NHSL1: variants seen among roughly 807,000 people sequenced by gnomAD.
NHSL1 encodes NHS like 1, also known as NHS-like protein 1.
Under a neutral mutation model 95.0 loss-of-function variants are expected in NHSL1, and 48 were observed. The ratio of observed to expected loss-of-function variants is 0.51; its 90% CI spans 0.40 to 0.64. The LOEUF (loss-of-function observed/expected upper bound fraction) is 0.64. Ranked by LOEUF, NHSL1 falls within the 30% of genes least tolerant of loss-of-function variation. NHSL1 has a pLI of 0.00. For missense variants in NHSL1, 1,971 were observed against 2,077.7 expected (o/e 0.95, Z 1.00); for synonymous variants, 783 against 833.9 (o/e 0.94, Z 1.05).
chr6:138,647,034 G>A (rs1315902133), intron 1 of NHSL1, among the ~76,000 whole-genome samples: 3 of 152,166 alleles, frequency 2.0e-5, no homozygotes, highest in African/African-American at 2.4e-5. Context: ...GTGATGGAGA[G>A]TAAAATCTTG....
At chr6:138,556,727 C>T (rs1428288194) in intron 1 of NHSL1, among the ~76,000 whole-genome samples, 1 of 151,826 alleles carries the variant, frequency 6.6e-6, no homozygotes, top group Non-Finnish European at 1.5e-5. Context: ...CATTCCCATT[C>T]GCATTAATGA....
In NHSL1 at chr6:138,424,883, C is replaced by T. The variant is rs928814648; in HGVS notation, c.4086-67G>A. On this transcript the variant is annotated intron_variant, in intron 7 of 7. Transcript: ENST00000343505. This position sits in a 1 kb window ranked among gnomAD's most constrained non-coding sequence, Gnocchi z 5.9. The stretch of plus-strand genomic sequence containing the variant: ...GACCACAGGCTGTCAGCCACAACCA[C>T]TCTGCTCTTATCGCATCTTCAGGTC... 7.6e-7 allele frequency: 1 copy of T among 1,310,560 alleles called. No homozygotes were observed. Among genetic ancestry groups the T allele is most frequent in the Non-Finnish European group, 1.0e-6 (1 of 957,814 alleles). The allele number at this position is 1,310,560 out of a possible 1,614,324, so 81.2% of individuals were successfully genotyped here.
At chr6:138,428,583 G>T (rs1415424102) in intron 7 of NHSL1, among the ~76,000 whole-genome samples, 6 of 152,194 alleles carry the variant, frequency 3.9e-5, no homozygotes, top group African/African-American at 1.4e-4. Flanking sequence ...TTCTTGACAA[G>T]AACATTAATT....
intron 1 of NHSL1, among the ~76,000 whole-genome samples, chr6:138,580,551 A>G (rs1429529703): frequency 6.6e-6 from 1 of 152,204 alleles, no homozygotes; most frequent in African/African-American, 2.4e-5. Flanking sequence ...GCCAGTTTCC[A>G]TGATATAAAG....
upstream of NHSL1, among the ~76,000 whole-genome samples, chr6:138,576,649 A>G (rs1783976810): frequency 6.6e-6 from 1 of 152,204 alleles, no homozygotes; most frequent in African/African-American, 2.4e-5. Flanking sequence ...GGGCTCACGG[A>G]ATAAAAGGCA....
intron 1 of NHSL1, among the ~76,000 whole-genome samples, chr6:138,680,685 T>C (rs533344659): frequency 5.3e-4 from 81 of 152,284 alleles, no homozygotes; most frequent in Middle Eastern, 3.4e-3. Flanking sequence ...GGTGTGATCT[T>C]AGCTCACTGC....
chr6:138,499,427 C>A lies in NHSL1; in HGVS notation c.-137G>T. ...CGGTCTCATATCCTTAGACATCTGC[C>A]CAGGCTGATGTAACTGAGGTTGAGT... On this transcript the variant is annotated 5_prime_UTR_variant, in exon 1 of 8. Coordinates refer to ENST00000343505, the MANE Select transcript of NHSL1 (RefSeq NM_001144060.2). 1.4e-6 allele frequency: 2 copies of A among 1,441,618 alleles called. No homozygotes were observed. The highest frequency in any genetic ancestry group is 1.8e-6 in the Non-Finnish European group (2 of 1,091,404). 89.3% of individuals were successfully genotyped at this position (1,441,618 alleles called of 1,614,324 possible). A position where few individuals can be genotyped will look rare whatever the true frequency, so the allele number is the denominator to read the frequency against.
intron 1 of NHSL1, among the ~76,000 whole-genome samples, chr6:138,535,511 C>A (rs1583373199): frequency 6.6e-6 from 1 of 152,078 alleles, no homozygotes; most frequent in Non-Finnish European, 1.5e-5. Flanking sequence ...CTGCAGTGAG[C>A]CATAATTGCA....
chr6:138,664,875 C>T (rs1178877609), intron 1 of NHSL1, among the ~76,000 whole-genome samples: 3 of 152,180 alleles, frequency 2.0e-5, no homozygotes, highest in Non-Finnish European at 2.9e-5. Flanking sequence ...AGAATTTCTC[C>T]CTGGGGTCAG....
At chr6:138,481,742 T>C (rs1779427358) in intron 2 of NHSL1, among the ~76,000 whole-genome samples, 2 of 152,234 alleles carry the variant, frequency 1.3e-5, no homozygotes, top group African/African-American at 4.8e-5. Context: ...GAGCAAGAGC[T>C]GTTTTATGTA....
At chr6:138,483,841 G>A (rs1779566114) in intron 2 of NHSL1, among the ~76,000 whole-genome samples, 1 of 152,158 alleles carries the variant, frequency 6.6e-6, no homozygotes. Flanking sequence ...TTAAATGAAT[G>A]AATGATCTGT....
At chr6:138,654,004 T>C (rs1785125220) in intron 1 of NHSL1, among the ~76,000 whole-genome samples, 2 of 152,316 alleles carry the variant, frequency 1.3e-5, no homozygotes, top group African/African-American at 2.4e-5. Context: ...TAGTTCTTCA[T>C]AAAATTTACT....
In NHSL1 at chr6:138,433,491, T is replaced by C; in HGVS notation, c.854A>G (p.Gln285Arg). Residue 285 changes from glutamine (Q) to arginine (R), a missense_variant, in exon 6 of 8, where the codon CAA (glutamine) becomes CGA (arginine). By Grantham distance (43) the Gln-to-Arg change is conservative. Transcript: ENST00000343505. ...GTGGCCCATCTGGGCAGCAATGCCT[T>C]GCCCCTTCTGTGCCCTGATTCTCCT... The part of the protein sequence containing the change: ...SMRRIRAQKG[Q>R]GIAAQMGHFS... 1 of 1,552,148 alleles carries C rather than the reference T, an allele frequency of 6.4e-7. No individual in the cohort carries two copies. The highest frequency in any genetic ancestry group is 8.7e-7 in the Non-Finnish European group (1 of 1,147,114).
At chr6:138,491,922 A>G (rs1415591745) in intron 2 of NHSL1, among the ~76,000 whole-genome samples, 2 of 152,116 alleles carry the variant, frequency 1.3e-5, no homozygotes, top group Non-Finnish European at 2.9e-5. Context: ...TGGATTTTGG[A>G]GCATTTCAGA....
intron 1 of NHSL1, among the ~76,000 whole-genome samples, chr6:138,531,118 G>A (rs79803843): frequency 0.025 from 3,856 of 152,220 alleles, 107 homozygotes; most frequent in East Asian, 0.11. Context: ...CCAGCCTACA[G>A]AACTGTGAGA....
intron 1 of NHSL1, among the ~76,000 whole-genome samples, chr6:138,585,248 C>G (rs577202963): frequency 6.6e-6 from 1 of 152,272 alleles, no homozygotes; most frequent in East Asian, 1.9e-4. Flanking sequence ...GATTGAGAGT[C>G]AGATTCCCAT....
At chr6:138,545,781 C>T, upstream of NHSL1, 2 of 1,206,094 alleles carry the variant, frequency 1.7e-6, no homozygotes, top group South Asian at 3.0e-5. Context: ...TCCAGGAAGC[C>T]ACTGCCCAAT....
intron 1 of NHSL1, among the ~76,000 whole-genome samples, chr6:138,511,484 C>T (rs1466234118): frequency 6.6e-6 from 1 of 151,660 alleles, no homozygotes; most frequent in African/African-American, 2.4e-5. Context: ...ATGGGGTCTC[C>T]CAATGTTGCC....
chr6:138,491,744 A>G lies in NHSL1; in HGVS notation c.211+4475T>C, dbSNP rs77498545. The stretch of plus-strand genomic sequence containing the variant: ...CATTTTTAAATCTGGGTAAATGTTG[A>G]GTATCTCTTATCCGAAATGCTTGAG... On this transcript the variant is annotated intron_variant, in intron 2 of 7. Coordinates refer to ENST00000343505, the MANE Select transcript of NHSL1 (RefSeq NM_001144060.2). Among the ~76,000 whole-genome samples the G allele has an allele frequency of 7.2e-4, 110 of 152,324 alleles. 3 individuals are homozygous for G. In the East Asian group the frequency reaches 0.019, roughly 27 times the overall value.
Sources: gnomAD v4.1 joint callset for allele counts (sites outside exome capture counted in the v4.1 genomes callset) on GRCh38, gnomAD v4.1.1 for gene constraint, Gnocchi (gnomAD v3.1) non-coding constraint, MANE v1.5 for transcripts, NCBI Gene and HGNC (gene_info 2026-07-23, HGNC 2026-07-21) for gene names.